SHANK2: variants seen among roughly 807,000 people sequenced by gnomAD.
The protein encoded by SHANK2 is SH3 and multiple ankyrin repeat domains protein 2.
Under a neutral mutation model 133.7 loss-of-function variants are expected in SHANK2, and 43 were observed. That is an observed-to-expected ratio of 0.32 (90% CI 0.25 to 0.41). The LOEUF is 0.41. Among genes scored for constraint, SHANK2 ranks in the 10% least tolerant of loss-of-function variants. The probability of loss-of-function intolerance (pLI) is 1.00; values close to 1 mark genes in which losing one functional copy is unlikely to be tolerated. For missense variants in SHANK2, 1,994 were observed against 2,235.8 expected (o/e 0.89, Z 2.18); for synonymous variants, 1,017 against 952.8 (o/e 1.07, Z -1.24).
chr11:71,065,885 GGA>G (rs1951049153), intron 9 of SHANK2, among the ~76,000 whole-genome samples: 6 of 131,046 alleles, frequency 4.6e-5, no homozygotes, highest in Non-Finnish European at 3.3e-5. Context: ...AAGTTGGGGG[GGA>G]TACAGAACTC....
chr11:70,783,792 G>T (rs988177953), intron 14 of SHANK2, among the ~76,000 whole-genome samples: 1 of 152,102 alleles, frequency 6.6e-6, no homozygotes, highest in African/African-American at 2.4e-5. Flanking sequence ...CTTGTTACGC[G>T]CCACACAGAA....
intron 9 of SHANK2, among the ~76,000 whole-genome samples, chr11:71,074,171 C>T (rs1951187910): frequency 1.3e-5 from 2 of 152,292 alleles, no homozygotes; most frequent in African/African-American, 4.8e-5. Flanking sequence ...ACCTGAGATG[C>T]CCCCTGCAAG....
chr11:71,170,836 C>T (rs920074830), intron 2 of SHANK2, among the ~76,000 whole-genome samples: 3 of 152,208 alleles, frequency 2.0e-5, no homozygotes, highest in African/African-American at 4.8e-5. Flanking sequence ...TATCAAATCA[C>T]GAGAGCTTTA....
Position 70,838,687 on chromosome 11 carries a change from A to C in SHANK2, c.1175-18005T>G, listed in dbSNP as rs139605212. On this transcript the variant is annotated intron_variant, in intron 11 of 25. Transcript: ENST00000601538. ...GAAATTACTGAAGTCTCCCCAAGGCACTTGGGCTTTTAGCTACTGTTTTCC... is the reference window on the plus strand; with the variant it reads ...GAAATTACTGAAGTCTCCCCAAGGCCCTTGGGCTTTTAGCTACTGTTTTCC... Among the ~76,000 whole-genome samples the C allele has an allele frequency of 1.7e-3, 255 of 152,212 alleles. 2 individuals are homozygous for C. The highest frequency in any genetic ancestry group is 6.0e-3 in the African/African-American group (248 of 41,516).
intron 17 of SHANK2, among the ~76,000 whole-genome samples, chr11:70,581,354 GT>G (rs56252459): frequency 3.3e-5 from 5 of 150,018 alleles, no homozygotes; most frequent in Non-Finnish European, 5.9e-5. Context: ...TTTTGTTACT[GT>G]TTTTTTTTTA....
Position 71,153,233 on chromosome 11 carries a change from G to A in SHANK2, c.-12-5895C>T, listed in dbSNP as rs527342113. 2.0e-5 allele frequency among the ~76,000 whole-genome samples: 3 copies of A among 149,452 alleles called. No homozygotes were observed. In the Admixed American group the frequency reaches 2.0e-4, roughly 10 times the overall value. On this transcript the variant is annotated intron_variant, in intron 2 of 25. Transcript: ENST00000601538. ...AAAGCCAGTGCCAGATCAGAGGAGG[G>A]GAAGGTTACTCACCACCCCGGGGCA...
In SHANK2 at chr11:70,795,549, G is replaced by A. The variant is rs1281490138; in HGVS notation, c.1777+2894C>T. On this transcript the variant is annotated intron_variant, in intron 14 of 25. Transcript: ENST00000601538. ...GCCTCCCGAGGAGCTGGGACTACAGGTGCATGGCACCATGTCCGGCTAATT... is the reference window on the plus strand; with the variant it reads ...GCCTCCCGAGGAGCTGGGACTACAGATGCATGGCACCATGTCCGGCTAATT... 3.3e-5 allele frequency among the ~76,000 whole-genome samples: 5 copies of A among 152,176 alleles called. No homozygotes were observed. The South Asian group carries it at 8.3e-4, about 25-fold the overall frequency.
At position 71,073,213 on chromosome 11, in the gene SHANK2, C is replaced by CA. The variant is rs1951172297; in HGVS notation, c.1029+1945dup. Among the ~76,000 whole-genome samples, 3 of 130,516 alleles carry CA rather than the reference C, an allele frequency of 2.3e-5. No individual in the cohort carries two copies. In the South Asian group the frequency reaches 7.7e-4, roughly 34 times the overall value. 85.6% of individuals were successfully genotyped at this position (130,516 alleles called of 152,430 possible). ...TTGCTCTGTCACCCAGGCTGGAGTG[C>CA]AGTGGCACTATCTCAGCTCACTGCA... On this transcript the variant is annotated intron_variant, in intron 9 of 25. Transcript: ENST00000601538.
chr11:70,743,806 C>T (rs985400424), intron 14 of SHANK2, among the ~76,000 whole-genome samples: 2 of 152,296 alleles, frequency 1.3e-5, no homozygotes, highest in African/African-American at 4.8e-5. Flanking sequence ...CCTGTGGATT[C>T]AGGCTCCAAA....
chr11:70,899,208 G>A (rs782694228), intron 10 of SHANK2, among the ~76,000 whole-genome samples: 22 of 152,264 alleles, frequency 1.4e-4, no homozygotes, highest in African/African-American at 3.6e-4. Flanking sequence ...GGAGGGACCC[G>A]GCGGGAGGTA....
chr11:70,726,378 T>C (rs1946181260), intron 14 of SHANK2, among the ~76,000 whole-genome samples: 1 of 147,340 alleles, frequency 6.8e-6, no homozygotes, highest in Admixed American at 7.0e-5. Context: ...CTTTGTTAAT[T>C]CACCAATGCC....
At chr11:71,086,407 TATA>T (rs1406250436) in intron 8 of SHANK2, among the ~76,000 whole-genome samples, 1 of 131,438 alleles carries the variant, frequency 7.6e-6, no homozygotes, top group Non-Finnish European at 1.5e-5. Flanking sequence ...ATATATTATT[TATA>T]ATATATAATA....
At chr11:70,867,117 A>T (rs1378560915) in intron 11 of SHANK2, among the ~76,000 whole-genome samples, 1 of 73,102 alleles carries the variant, frequency 1.4e-5, no homozygotes, top group Non-Finnish European at 3.2e-5. Context: ...CGGTGTATTT[A>T]AAAAAAAAAA....
At chr11:71,164,310 T>C (rs1953094342) in intron 2 of SHANK2, among the ~76,000 whole-genome samples, 2 of 152,190 alleles carry the variant, frequency 1.3e-5, no homozygotes, top group Admixed American at 1.3e-4. Context: ...GCACATTGCA[T>C]CTCAGCAGTG....
At chr11:71,080,979 C>T (rs1951291800) in intron 8 of SHANK2, among the ~76,000 whole-genome samples, 1 of 152,206 alleles carries the variant, frequency 6.6e-6, no homozygotes. Flanking sequence ...TGCATCCCTG[C>T]AGCATTCATG....
chr11:70,703,758 C>CGA (rs1945597023), intron 14 of SHANK2, among the ~76,000 whole-genome samples: 1 of 152,210 alleles, frequency 6.6e-6, no homozygotes, highest in Non-Finnish European at 1.5e-5. Context: ...TGCCGGGGCC[C>CGA]GAGGTCAATT....
At chr11:70,511,355 C>T (rs543557455) in intron 17 of SHANK2, among the ~76,000 whole-genome samples, 2 of 152,332 alleles carry the variant, frequency 1.3e-5, no homozygotes, top group Non-Finnish European at 2.9e-5. Context: ...TCAGTTTAAC[C>T]TGCAATGAGA....
At chr11:70,736,631 T>G (rs1303011187) in intron 14 of SHANK2, among the ~76,000 whole-genome samples, 1 of 152,146 alleles carries the variant, frequency 6.6e-6, no homozygotes, top group Non-Finnish European at 1.5e-5. Flanking sequence ...ACGGCCCTGC[T>G]GCCACCGTGA....
chr11:70,891,862 T>C (rs1366276955), intron 11 of SHANK2, among the ~76,000 whole-genome samples: 10 of 152,162 alleles, frequency 6.6e-5, no homozygotes, highest in African/African-American at 2.4e-4. Context: ...TCATGGTGGG[T>C]GAGAAATGCC....
Sources: gnomAD v4.1 joint callset for allele counts (sites outside exome capture counted in the v4.1 genomes callset) on GRCh38, gnomAD v4.1.1 for gene constraint, MANE v1.5 for transcripts, NCBI Gene and HGNC (gene_info 2026-07-23, HGNC 2026-07-21) for gene names.